JAG2: variants seen among roughly 807,000 people sequenced by gnomAD.
JAG2 encodes protein jagged-2.
JAG2 carries 46 observed loss-of-function variants against 141.7 expected under a neutral mutation model. The ratio of observed to expected loss-of-function variants is 0.32; its 90% CI spans 0.26 to 0.42. JAG2 has a LOEUF of 0.42. JAG2 is among the 10% of genes least tolerant of loss of function. The pLI is 1.00. For missense variants in JAG2, 1,500 were observed against 1,817.5 expected, an observed-to-expected ratio of 0.83 and a Z score of 3.18; for synonymous variants, 862 against 763.5, an observed-to-expected ratio of 1.13 and a Z score of -2.13.
chr14:105,164,313 G>C (rs587615525), intron 2 of JAG2, among the ~76,000 whole-genome samples: 9 of 152,126 alleles, frequency 5.9e-5, no homozygotes, highest in Non-Finnish European at 1.0e-4. Flanking sequence ...TGTACAAGGC[G>C]GACATGCCCT....
Position 105,167,980 on chromosome 14 carries a change from T to G in JAG2, c.194A>C (p.Asp65Ala). 1 of 1,603,294 alleles carries G rather than the reference T, an allele frequency of 6.2e-7. No individual in the cohort carries two copies. Among genetic ancestry groups the G allele is most frequent in the Non-Finnish European group, 8.5e-7 (1 of 1,177,774 alleles). ...RTTRAGGCGHDECDTYVRVCL... is the reference protein window; with the variant it reads ...RTTRAGGCGHAECDTYVRVCL... The stretch of plus-strand genomic sequence containing the variant: ...CACGCGCACGTACGTGTCGCACTCG[T>G]CGTGGCCGCAGCCCCCCGCGCGCGT... The change falls in exon 2 of 26, where the codon GAC becomes GCC. Residue 65 changes from aspartate to alanine, a missense_variant. Physicochemically the swap from Asp to Ala is moderately radical, Grantham distance 126. This residue lies in a region of JAG2 where 200 missense variants were observed against 174.3 expected (regional missense o/e 1.15). Coordinates refer to ENST00000331782, the MANE Select transcript of JAG2 (RefSeq NM_002226.5). The surrounding 1 kb of genome is among the most constrained non-coding windows in gnomAD (Gnocchi z 4.8).
intron 2 of JAG2, among the ~76,000 whole-genome samples, chr14:105,158,972 G>A (rs765968247): frequency 3.3e-5 from 5 of 151,622 alleles, no homozygotes; most frequent in Non-Finnish European, 7.4e-5. Flanking sequence ...GTCCTCACCC[G>A]CCGCCCACCC....
In JAG2 at chr14:105,167,731, G is replaced by A. The variant is rs1305626030; in HGVS notation, c.417+26C>T. On this transcript the variant is annotated intron_variant, in intron 2 of 25. Coordinates refer to ENST00000331782, the MANE Select transcript of JAG2 (RefSeq NM_002226.5). The surrounding 1 kb of genome is among the most constrained non-coding windows in gnomAD (Gnocchi z 4.8). ...GGCGCGGAGAGAGAGGGAAGGGCTGGAGCACGAGGGATGGAGCGCACGTAC... is the reference window on the plus strand; with the variant it reads ...GGCGCGGAGAGAGAGGGAAGGGCTGAAGCACGAGGGATGGAGCGCACGTAC... 6.9e-7 allele frequency: 1 copy of A among 1,439,950 alleles called. No homozygotes were observed. Among genetic ancestry groups the A allele is most frequent in the Non-Finnish European group, 9.1e-7 (1 of 1,097,486 alleles). 89.2% of individuals were successfully genotyped at this position (1,439,950 alleles called of 1,614,324 possible). A position where few individuals can be genotyped will look rare whatever the true frequency, so the allele number is the denominator to read the frequency against.
chr14:105,152,326 G>A (rs756219464), intron 5 of JAG2, 35 bp from the exon 6 acceptor site: 1 of 1,606,562 alleles, frequency 6.2e-7, no homozygotes, highest in South Asian at 1.1e-5. Flanking sequence ...GACCCAGTGA[G>A]CTGTGGTGCC....
chr14:105,146,811 G>A (rs1038522378), intron 20 of JAG2, 87 bp from the exon 21 acceptor site: 3 of 1,026,594 alleles, frequency 2.9e-6, no homozygotes, highest in Non-Finnish European at 3.0e-6. Flanking sequence ...GGAGCCAGTG[G>A]CACACAGGCG....
chr14:105,158,969 C>T (rs763615876), intron 2 of JAG2, among the ~76,000 whole-genome samples: 2 of 152,060 alleles, frequency 1.3e-5, no homozygotes, highest in African/African-American at 4.8e-5. Flanking sequence ...CTGGTCCTCA[C>T]CCGCCGCCCA....
chr14:105,161,558 G>A (rs1022395417), intron 2 of JAG2, among the ~76,000 whole-genome samples: 3 of 152,058 alleles, frequency 2.0e-5, no homozygotes, highest in Non-Finnish European at 2.9e-5. Flanking sequence ...CCCGCCCGCC[G>A]AGAGGGCCTC....
chr14:105,147,259 T>C (rs936579151), intron 20 of JAG2, 67 bp downstream of exon 20: 78 of 1,246,728 alleles, frequency 6.3e-5, no homozygotes, highest in Non-Finnish European at 8.9e-5. Context: ...GACGTTGATG[T>C]CCCCAGACTC....
intron 2 of JAG2, among the ~76,000 whole-genome samples, chr14:105,158,599 G>A (rs1888644122): frequency 1.3e-5 from 2 of 152,078 alleles, no homozygotes; most frequent in African/African-American, 4.8e-5. Flanking sequence ...TCACAGACAT[G>A]CTCAGACAGG....
Position 105,154,030 on chromosome 14 carries a change from G to A in JAG2, c.788+1532C>T, listed in dbSNP as rs587655000. 5.4e-4 allele frequency among the ~76,000 whole-genome samples: 82 copies of A among 152,298 alleles called. No individual in the cohort carries two copies. Among genetic ancestry groups the A allele is most frequent in the Admixed American group, 9.1e-4 (14 of 15,302 alleles). ...TGTGTGTGCAAGTGACCGGGTGGGC[G>A]GCCCCAGCCCTGCTTGCCTCCCCGC... On this transcript the variant is annotated intron_variant, in intron 5 of 25. Coordinates refer to ENST00000331782, the MANE Select transcript of JAG2 (RefSeq NM_002226.5). This position sits in a 1 kb window ranked among gnomAD's most constrained non-coding sequence, Gnocchi z 4.4.
intron 24 of JAG2, 32 bp downstream of exon 24, chr14:105,144,898 C>T (rs1888175883): frequency 1.3e-6 from 2 of 1,593,232 alleles, no homozygotes; most frequent in South Asian, 1.1e-5. Flanking sequence ...ACCCAGGGCC[C>T]ACCCAGGTGC....
Position 105,155,536 on chromosome 14 carries a change from C to T in JAG2, c.788+26G>A, listed in dbSNP as rs1188664017. 10 of 1,612,524 alleles carry T rather than the reference C, an allele frequency of 6.2e-6. No homozygotes were observed. The Admixed American group carries it at 1.5e-4, about 24-fold the overall frequency. Reference sequence around the variant, plus strand: ...GACGTGAGGGCAAAGGTTGGGAGGGCAAAGACGGGCCGGCGGCACACTCAC... The same window carrying T: ...GACGTGAGGGCAAAGGTTGGGAGGGTAAAGACGGGCCGGCGGCACACTCAC... On this transcript the variant is annotated intron_variant, in intron 5 of 25. Transcript: ENST00000331782.
At chr14:105,145,155 C>T (rs1595172702) in intron 23 of JAG2, 94 bp from the exon 24 acceptor site, 2 of 1,524,108 alleles carry the variant, frequency 1.3e-6, no homozygotes, top group Non-Finnish European at 9.0e-7. Flanking sequence ...TGGGACACAC[C>T]CTACAGCCCG....
intron 12 of JAG2, 128 bp downstream of exon 12, chr14:105,150,476 C>T (rs997429247): frequency 2.1e-6 from 2 of 974,126 alleles, no homozygotes; most frequent in Non-Finnish European, 3.0e-6. Flanking sequence ...AGAGCTGAGC[C>T]TGGGACGCCT....
chr14:105,151,773 GCCAGGCCC>G (rs1051338195), intron 7 of JAG2, 34 bp from the exon 8 acceptor site: 2 of 1,600,230 alleles, frequency 1.2e-6, no homozygotes, highest in African/African-American at 2.7e-5. Flanking sequence ...AGAGCTGGCA[GCCAGGCCC>G]CCAGCTTTCC....
intron 21 of JAG2, 42 bp from the exon 22 acceptor site, chr14:105,146,542 G>A (rs1262529590): frequency 2.4e-5 from 38 of 1,602,722 alleles, no homozygotes; most frequent in Non-Finnish European, 3.2e-5. Context: ...TGGGCATCTG[G>A]CCCTCGGGGC....
chr14:105,164,778 C>T (rs1888860582), intron 2 of JAG2, among the ~76,000 whole-genome samples: 1 of 152,158 alleles, frequency 6.6e-6, no homozygotes, highest in Admixed American at 6.5e-5. Context: ...CAAGCAGAGC[C>T]CGAGCTGGGA....
In JAG2 at chr14:105,151,645, G is replaced by T; in HGVS notation, c.1134C>A (p.Ser378Arg). The T allele has an allele frequency of 6.2e-7, 1 of 1,607,904 alleles. No individual in the cohort carries two copies. Among genetic ancestry groups the T allele is most frequent in the Middle Eastern group, 1.7e-4 (1 of 6,056 alleles). Residue 378 changes from serine to arginine, a missense_variant, in exon 8 of 26, where the codon AGC becomes AGA. Ser to Arg is a moderately radical substitution (Grantham distance 110). Coordinates refer to ENST00000331782, the MANE Select transcript of JAG2 (RefSeq NM_002226.5). ...GFECHCPSGW[S>R]GPTCALDIDE... ...ACTCACCAAGGGCACAGGTGGGCCC[G>T]CTCCAGCCCGATGGGCAGTGGCATT...
At chr14:105,157,204 G>T (rs920851035) in intron 3 of JAG2, among the ~76,000 whole-genome samples, 1 of 152,130 alleles carries the variant, frequency 6.6e-6, no homozygotes, top group East Asian at 1.9e-4. Context: ...TCCATGATCT[G>T]AGCCCAGCCC....
Sources: allele counts gnomAD v4.1 joint callset (sites outside exome capture counted in the v4.1 genomes callset), GRCh38; gene constraint gnomAD v4.1.1; regional missense constraint gnomAD v4.1.1; non-coding constraint Gnocchi (gnomAD v3.1); transcripts MANE v1.5; gene names NCBI Gene and HGNC (gene_info 2026-07-23, HGNC 2026-07-21).